The following KCNMB2 variants were observed in gnomAD, a reference collection of about 807,000 sequenced individuals.
KCNMB2 encodes potassium calcium-activated channel subfamily M regulatory beta subunit 2.
A neutral mutation model predicts 24.5 loss-of-function variants in KCNMB2; 9 were observed. The observed-to-expected ratio is 0.37, with a 90% CI of 0.22 to 0.64. The LOEUF (loss-of-function observed/expected upper bound fraction) is 0.64, where lower values mean the gene tolerates loss of function less well. Among genes scored for constraint, KCNMB2 ranks in the 30% least tolerant of loss-of-function variants. The pLI is 0.63. For missense variants in KCNMB2, 226 were observed against 284.3 expected (o/e 0.79, Z 1.47); for synonymous variants, 109 against 104.4 (o/e 1.04, Z -0.27).
intron 1 of KCNMB2, among the ~76,000 whole-genome samples, chr3:178,683,634 G>T (rs1721353068): frequency 6.6e-6 from 1 of 152,224 alleles, no homozygotes; most frequent in South Asian, 2.1e-4. Flanking sequence ...TACATCTCAA[G>T]TGCTCAGTGG....
At chr3:178,619,219 T>C (rs922858616) in intron 1 of KCNMB2, among the ~76,000 whole-genome samples, 15 of 152,180 alleles carry the variant, frequency 9.9e-5, no homozygotes, top group African/African-American at 3.6e-4. Flanking sequence ...CCTTATATAC[T>C]ATCTTTCCTT....
chr3:178,547,955 T>C (rs928052167), intron 1 of KCNMB2, among the ~76,000 whole-genome samples: 2 of 152,274 alleles, frequency 1.3e-5, no homozygotes, highest in Non-Finnish European at 2.9e-5. Context: ...TTCCAGCTAT[T>C]AAAGCCAATA....
intron 1 of KCNMB2, among the ~76,000 whole-genome samples, chr3:178,553,875 G>A (rs986784834): frequency 1.3e-5 from 2 of 151,886 alleles, no homozygotes; most frequent in Non-Finnish European, 2.9e-5. Flanking sequence ...GTTCATATCG[G>A]TTTTCCTAAA....
At chr3:178,565,596 T>C (rs535679299) in intron 1 of KCNMB2, among the ~76,000 whole-genome samples, 1 of 152,352 alleles carries the variant, frequency 6.6e-6, no homozygotes, top group East Asian at 1.9e-4. Flanking sequence ...CATGAGTTTG[T>C]TTTTCTAAGA....
intron 1 of KCNMB2, among the ~76,000 whole-genome samples, chr3:178,738,478 T>C (rs1448651347): frequency 6.6e-6 from 1 of 152,224 alleles, no homozygotes; most frequent in South Asian, 2.1e-4. Flanking sequence ...AAAGTCTACA[T>C]GACCTGGCAG....
chr3:178,710,166 T>C (rs1448736431), intron 1 of KCNMB2, among the ~76,000 whole-genome samples: 1 of 152,074 alleles, frequency 6.6e-6, no homozygotes, highest in Non-Finnish European at 1.5e-5. Flanking sequence ...TATAAAGTTT[T>C]ATTTTTTCCC....
chr3:178,728,680 G>A (rs181220098), intron 1 of KCNMB2, among the ~76,000 whole-genome samples: 4 of 152,258 alleles, frequency 2.6e-5, no homozygotes, highest in Non-Finnish European at 5.9e-5. Flanking sequence ...TACCTGTGCT[G>A]TCCTTTTATA....
intron 1 of KCNMB2, among the ~76,000 whole-genome samples, chr3:178,797,442 G>A (rs1448473732): frequency 6.6e-6 from 1 of 152,002 alleles, no homozygotes; most frequent in Admixed American, 6.6e-5. Context: ...AAAACTACAG[G>A]CCAATATCCC....
chr3:178,800,951 T>C (rs1460639960), intron 1 of KCNMB2, among the ~76,000 whole-genome samples: 1 of 152,128 alleles, frequency 6.6e-6, no homozygotes, highest in East Asian at 1.9e-4. Flanking sequence ...ATGGTCTCAC[T>C]CATTTGTGGA....
intron 1 of KCNMB2, among the ~76,000 whole-genome samples, chr3:178,688,485 T>C (rs1721548563): frequency 6.6e-6 from 1 of 152,084 alleles, no homozygotes; most frequent in African/African-American, 2.4e-5. Context: ...GGAATAGAAA[T>C]TGTGCAGCAC....
At chr3:178,771,473 C>CTTTTTTTTTTTTTTTTTTT (rs66694279) in intron 1 of KCNMB2, among the ~76,000 whole-genome samples, 10 of 87,522 alleles carry the variant, frequency 1.1e-4, no homozygotes, top group Non-Finnish European at 1.9e-4. Context: ...TTCTTTCTTT[C>CTTTTTTTTTTTTTTTTTTT]TTTTTTTTTT....
intron 1 of KCNMB2, among the ~76,000 whole-genome samples, chr3:178,746,587 T>C (rs1723677541): frequency 6.6e-6 from 1 of 152,204 alleles, no homozygotes; most frequent in African/African-American, 2.4e-5. Flanking sequence ...TTCTTTTCTA[T>C]CACATTGTCA....
intron 1 of KCNMB2, among the ~76,000 whole-genome samples, chr3:178,696,545 A>G (rs1460040177): frequency 2.6e-5 from 4 of 152,322 alleles, no homozygotes; most frequent in East Asian, 3.9e-4. Flanking sequence ...TTTTCAAAAT[A>G]TCAGCTCCTG....
At chr3:178,605,725 T>G (rs1870979) in intron 1 of KCNMB2, among the ~76,000 whole-genome samples, 102,821 of 152,068 alleles carry the variant, frequency 0.68, 35,666 homozygotes, top group African/African-American at 0.83. Flanking sequence ...AAGTGGCAAA[T>G]AATTTGGCTG....
intron 1 of KCNMB2, among the ~76,000 whole-genome samples, chr3:178,784,758 G>C (rs531641788): frequency 7.9e-5 from 12 of 151,400 alleles, no homozygotes; most frequent in South Asian, 2.1e-4. Context: ...CAATGAGTGA[G>C]AGTAGGATTT....
Position 178,797,517 on chromosome 3 carries a change from AT to A in KCNMB2, c.-67-9825del, listed in dbSNP as rs750732472. On this transcript the variant is annotated intron_variant, in intron 1 of 4. Transcript: ENST00000452583. The stretch of plus-strand genomic sequence containing the variant: ...TCAAACTCAACAACACATTAAAAAG[AT>A]AATTCATCATGACCAAGTGAGATTT... Among the ~76,000 whole-genome samples the A allele has an allele frequency of 6.6e-5, 10 of 152,344 alleles. No homozygotes were observed. In the East Asian group the frequency reaches 1.7e-3, roughly 26 times the overall value.
intron 1 of KCNMB2, among the ~76,000 whole-genome samples, chr3:178,565,485 C>A (rs1185692384): frequency 1.3e-5 from 2 of 152,140 alleles, no homozygotes; most frequent in Non-Finnish European, 2.9e-5. Context: ...TCAATTAAAG[C>A]ATGGATGAAG....
At chr3:178,604,726 T>C (rs1435041588) in intron 1 of KCNMB2, among the ~76,000 whole-genome samples, 1 of 152,230 alleles carries the variant, frequency 6.6e-6, no homozygotes, top group African/African-American at 2.4e-5. Flanking sequence ...TATTAGTGAC[T>C]AATGATACTC....
intron 1 of KCNMB2, among the ~76,000 whole-genome samples, chr3:178,569,105 C>A (rs1222929446): frequency 6.6e-6 from 1 of 152,050 alleles, no homozygotes; most frequent in Non-Finnish European, 1.5e-5. Context: ...TTTCTTGGCT[C>A]TTTTTCTTTT....
Sources: allele counts gnomAD v4.1 joint callset (sites outside exome capture counted in the v4.1 genomes callset), GRCh38; gene constraint gnomAD v4.1.1; transcripts MANE v1.5; gene names NCBI Gene and HGNC (gene_info 2026-07-23, HGNC 2026-07-21).